DLG2: variants seen among roughly 807,000 people sequenced by gnomAD.
The protein encoded by DLG2 is discs large MAGUK scaffold protein 2.
A neutral mutation model predicts 132.5 loss-of-function variants in DLG2; 45 were observed. That is an observed-to-expected ratio of 0.34 (90% CI 0.27 to 0.44). The LOEUF is 0.44. Among genes scored for constraint, DLG2 ranks in the 20% least tolerant of loss-of-function variants. DLG2 has a pLI of 1.00. For synonymous variants in DLG2, 424 were observed against 419.6 expected, an observed-to-expected ratio of 1.01 and a Z score of -0.13; for missense variants, 1,045 against 1,196.9, an observed-to-expected ratio of 0.87 and a Z score of 1.87.
At chr11:83,548,883 GA>G (rs1401355536) in intron 19 of DLG2, among the ~76,000 whole-genome samples, 2 of 152,104 alleles carry the variant, frequency 1.3e-5, no homozygotes, top group Admixed American at 1.3e-4. Context: ...TCTTGAGTGG[GA>G]ATATGTCTTA....
intron 8 of DLG2, among the ~76,000 whole-genome samples, chr11:84,245,394 C>G (rs1316402065): frequency 6.6e-6 from 1 of 152,148 alleles, no homozygotes; most frequent in Non-Finnish European, 1.5e-5. Flanking sequence ...ACATAAATAA[C>G]TTTCTTGGCA....
chr11:85,453,320 G>T lies in DLG2; in HGVS notation c.40+145337C>A, dbSNP rs188578696. ...TTTGAGCTAAACTTTGGCTTCATAA[G>T]TCATTCTTAGTGTAGCCCTATTGAG... On this transcript the variant is annotated intron_variant, in intron 3 of 27. Coordinates refer to ENST00000376104, the MANE Select transcript of DLG2 (RefSeq NM_001142699.3). 145 of 254,436 alleles carry T rather than the reference G, an allele frequency of 5.7e-4. 1 individual carries two copies. The highest frequency in any genetic ancestry group is 3.1e-3 in the African/African-American group (136 of 44,034). The allele number at this position is 254,436 out of a possible 1,614,324, so 15.8% of individuals were successfully genotyped here. A position where few individuals can be genotyped will look rare whatever the true frequency, so the allele number is the denominator to read the frequency against.
intron 18 of DLG2, among the ~76,000 whole-genome samples, chr11:83,643,951 C>T (rs2067352331): frequency 1.3e-5 from 2 of 151,930 alleles, no homozygotes; most frequent in African/African-American, 4.8e-5. Flanking sequence ...TGTTTGGTTA[C>T]CCTAAGTAAC....
intron 25 of DLG2, among the ~76,000 whole-genome samples, chr11:83,468,843 G>T (rs953150641): frequency 3.3e-5 from 5 of 151,984 alleles, no homozygotes; most frequent in Admixed American, 1.3e-4. Flanking sequence ...TTTTCAGAGA[G>T]AGAGAAAAAA....
At chr11:85,476,405 C>G (rs1337570876) in intron 3 of DLG2, among the ~76,000 whole-genome samples, 1 of 152,092 alleles carries the variant, frequency 6.6e-6, no homozygotes, top group Non-Finnish European at 1.5e-5. Flanking sequence ...AAACACTGTA[C>G]ACTTACGCTA....
intron 8 of DLG2, among the ~76,000 whole-genome samples, chr11:84,172,518 C>CCTAT (rs2095847830): frequency 7.4e-6 from 1 of 134,448 alleles, no homozygotes; most frequent in Non-Finnish European, 1.6e-5. Flanking sequence ...TTTTTCCATT[C>CCTAT]TTATTTATTT....
At chr11:84,317,035 C>A (rs2098366055) in intron 7 of DLG2, 1 of 1,612,836 alleles carries the variant, frequency 6.2e-7, no homozygotes, top group East Asian at 2.2e-5. Context: ...AGTTCCTCTG[C>A]CAGCCACAAG....
intron 8 of DLG2, among the ~76,000 whole-genome samples, chr11:84,167,508 C>T (rs1177246026): frequency 6.6e-6 from 1 of 151,952 alleles, no homozygotes; most frequent in African/African-American, 2.4e-5. Context: ...ATTTTTATCT[C>T]CTGAAAAGAG....
At chr11:84,378,434 T>G (rs1369919336) in intron 7 of DLG2, among the ~76,000 whole-genome samples, 3 of 152,112 alleles carry the variant, frequency 2.0e-5, no homozygotes, top group Non-Finnish European at 4.4e-5. Context: ...TTTCTATTAT[T>G]TAAGCCATTC....
intron 8 of DLG2, among the ~76,000 whole-genome samples, chr11:84,194,763 C>A (rs1235715061): frequency 6.6e-6 from 1 of 152,196 alleles, no homozygotes; most frequent in Non-Finnish European, 1.5e-5. Context: ...CTGGGACCCA[C>A]GCTGGGGCCG....
At position 83,514,672 on chromosome 11, in the gene DLG2, T is replaced by C. The variant is rs1270259361; in HGVS notation, c.2193+18036A>G. Reference sequence around the variant, plus strand: ...TATGATATTGGCTGTGAGTTTGTCATAGATAGCTCTTATTATTTTGAGATA... The same window carrying C: ...TATGATATTGGCTGTGAGTTTGTCACAGATAGCTCTTATTATTTTGAGATA... On this transcript the variant is annotated intron_variant, in intron 21 of 27. Transcript: ENST00000376104. Among the ~76,000 whole-genome samples the C allele has an allele frequency of 2.6e-5, 4 of 152,316 alleles. 1 individual carries two copies. The South Asian group carries it at 6.2e-4, about 24-fold the overall frequency.
chr11:85,291,487 G>C (rs1037509734), intron 3 of DLG2, among the ~76,000 whole-genome samples: 8 of 151,736 alleles, frequency 5.3e-5, no homozygotes, highest in Non-Finnish European at 1.2e-4. Flanking sequence ...GGTTGTTAGT[G>C]TTGATTCATT....
At chr11:84,738,186 T>A (rs1197085971) in intron 6 of DLG2, among the ~76,000 whole-genome samples, 5 of 152,114 alleles carry the variant, frequency 3.3e-5, no homozygotes, top group Non-Finnish European at 5.9e-5. Flanking sequence ...AGAGTCAGAC[T>A]TTGCAGAACT....
At chr11:85,186,682 T>C (rs1395192974) in intron 4 of DLG2, among the ~76,000 whole-genome samples, 2 of 152,112 alleles carry the variant, frequency 1.3e-5, no homozygotes, top group African/African-American at 4.8e-5. Context: ...AGGATTACTG[T>C]CACATCCTGA....
intron 4 of DLG2, among the ~76,000 whole-genome samples, chr11:85,186,718 G>C (rs998126504): frequency 2.6e-5 from 4 of 152,064 alleles, no homozygotes; most frequent in African/African-American, 9.7e-5. Flanking sequence ...TGCCTGCCCA[G>C]ACACTTGTGT....
intron 6 of DLG2, among the ~76,000 whole-genome samples, chr11:85,080,435 T>C (rs2067090536): frequency 6.6e-6 from 1 of 152,138 alleles, no homozygotes; most frequent in South Asian, 2.1e-4. Context: ...ATTTAAATGA[T>C]CTAATATTAA....
intron 9 of DLG2, among the ~76,000 whole-genome samples, chr11:84,138,760 C>T (rs546528800): frequency 5.3e-5 from 8 of 152,130 alleles, no homozygotes; most frequent in Admixed American, 5.2e-4. Context: ...ATGAGCCTGG[C>T]CAACATGGTG....
chr11:85,307,485 A>G (rs2080031498), intron 3 of DLG2, among the ~76,000 whole-genome samples: 1 of 152,196 alleles, frequency 6.6e-6, no homozygotes, highest in Non-Finnish European at 1.5e-5. Context: ...TTATATGGAA[A>G]TCTTTCTTCA....
chr11:84,896,634 T>G (rs191311775), intron 6 of DLG2, among the ~76,000 whole-genome samples: 51 of 152,174 alleles, frequency 3.4e-4, no homozygotes, highest in Admixed American at 1.2e-3. Flanking sequence ...ACAGAGATAG[T>G]AGTTGCCACT....
Sources: gnomAD v4.1 joint callset for allele counts (sites outside exome capture counted in the v4.1 genomes callset) on GRCh38, gnomAD v4.1.1 for gene constraint, MANE v1.5 for transcripts, NCBI Gene and HGNC (gene_info 2026-07-23, HGNC 2026-07-21) for gene names.